SNX29: variants seen among roughly 807,000 people sequenced by gnomAD.
SNX29 encodes the protein sorting nexin-29.
In SNX29, 78 loss-of-function variants were observed where a neutral mutation model predicts 102.1. That is an observed-to-expected ratio of 0.76 (90% CI 0.64 to 0.92). SNX29 has a LOEUF of 0.92. Ranked by LOEUF, SNX29 falls within the 40% of genes least tolerant of loss-of-function variation. The pLI is 0.00. For missense variants in SNX29, 1,280 were observed against 1,061.7 expected (o/e 1.21, Z -2.86); for synonymous variants, 580 against 414.5 (o/e 1.40, Z -4.85).
At chr16:12,200,839 A>T (rs922575075) in intron 14 of SNX29, among the ~76,000 whole-genome samples, 2 of 152,038 alleles carry the variant, frequency 1.3e-5, no homozygotes, top group African/African-American at 4.8e-5. Context: ...ACCCACGACC[A>T]CCTGACCCCT....
intron 15 of SNX29, among the ~76,000 whole-genome samples, chr16:12,290,694 G>A (rs1462251933): frequency 2.0e-5 from 3 of 152,326 alleles, no homozygotes; most frequent in Non-Finnish European, 4.4e-5. Flanking sequence ...TAGGACAGAT[G>A]CATTTCCTAG....
chr16:12,271,657 C>G (rs1020339354), intron 14 of SNX29, among the ~76,000 whole-genome samples: 1 of 151,260 alleles, frequency 6.6e-6, no homozygotes, highest in Non-Finnish European at 1.5e-5. Context: ...GAGTCCCACT[C>G]TGTTGCTCAG....
At chr16:12,090,509 A>G (rs1180694997) in intron 11 of SNX29, among the ~76,000 whole-genome samples, 2 of 152,084 alleles carry the variant, frequency 1.3e-5, no homozygotes, top group Admixed American at 1.3e-4. Context: ...CTTGGGACCA[A>G]TTTTTAAGCC....
intron 15 of SNX29, among the ~76,000 whole-genome samples, chr16:12,330,686 C>T (rs895118544): frequency 1.3e-5 from 2 of 152,190 alleles, no homozygotes; most frequent in Non-Finnish European, 2.9e-5. Flanking sequence ...TTAACCAGCA[C>T]GCGAGTCCTG....
intron 19 of SNX29, among the ~76,000 whole-genome samples, chr16:12,480,805 T>A (rs1164619327): frequency 6.6e-6 from 1 of 152,168 alleles, no homozygotes; most frequent in Non-Finnish European, 1.5e-5. Flanking sequence ...TGGTGTTGCA[T>A]CCTGTAGAAA....
chr16:12,151,752 T>C (rs1193794380), intron 13 of SNX29, among the ~76,000 whole-genome samples: 2 of 152,194 alleles, frequency 1.3e-5, no homozygotes, highest in African/African-American at 4.8e-5. Flanking sequence ...GTTTTGTTTT[T>C]TGAGACAGAG....
intron 3 of SNX29, among the ~76,000 whole-genome samples, chr16:12,018,810 A>T (rs1290198884): frequency 1.3e-4 from 20 of 149,454 alleles, no homozygotes; most frequent in Non-Finnish European, 2.8e-4. Flanking sequence ...CAGGTCTCGA[A>T]CTCCTGGGCT....
intron 19 of SNX29, among the ~76,000 whole-genome samples, chr16:12,493,139 T>G (rs1303891419): frequency 6.6e-6 from 1 of 152,230 alleles, no homozygotes; most frequent in Non-Finnish European, 1.5e-5. Context: ...GCCGTTTTCA[T>G]GATACTGATT....
chr16:12,250,172 C>A (rs1254680240), intron 14 of SNX29, among the ~76,000 whole-genome samples: 2 of 152,160 alleles, frequency 1.3e-5, no homozygotes, highest in African/African-American at 2.4e-5. Flanking sequence ...GGGTTCCAGG[C>A]AGGTGGAGGA....
intron 20 of SNX29, among the ~76,000 whole-genome samples, chr16:12,546,060 A>G (rs1209733655): frequency 6.6e-6 from 1 of 152,234 alleles, no homozygotes; most frequent in Non-Finnish European, 1.5e-5. Flanking sequence ...GGAGTGAAGC[A>G]GTCCTGGGTT....
intron 1 of SNX29, among the ~76,000 whole-genome samples, chr16:11,983,047 C>T (rs1179694571): frequency 6.6e-6 from 1 of 152,002 alleles, no homozygotes; most frequent in Non-Finnish European, 1.5e-5. Flanking sequence ...TCTCTTGCCT[C>T]AGCCTCCTGA....
intron 13 of SNX29, among the ~76,000 whole-genome samples, chr16:12,148,943 C>A (rs572031928): frequency 6.6e-6 from 1 of 152,032 alleles, no homozygotes; most frequent in Non-Finnish European, 1.5e-5. Context: ...CTCAGGTGAT[C>A]CACCTGCCTC....
chr16:12,497,549 C>T (rs887699877), intron 19 of SNX29, among the ~76,000 whole-genome samples: 2 of 152,176 alleles, frequency 1.3e-5, no homozygotes, highest in Admixed American at 6.5e-5. Context: ...GGAATGACTT[C>T]AGGAGTGGCT....
chr16:12,540,931 C>T (rs752520567), intron 20 of SNX29, among the ~76,000 whole-genome samples: 2 of 152,284 alleles, frequency 1.3e-5, no homozygotes, highest in Non-Finnish European at 2.9e-5. Context: ...CACCCCCTGC[C>T]CACTTTTGGG....
intron 20 of SNX29, among the ~76,000 whole-genome samples, chr16:12,560,138 C>A (rs1470441349): frequency 1.8e-5 from 1 of 55,432 alleles, no homozygotes; most frequent in East Asian, 2.7e-4. Context: ...GTTCCCCTCC[C>A]CCCCCCAACA....
chr16:12,227,399 T>C (rs879844399), intron 14 of SNX29, among the ~76,000 whole-genome samples: 1 of 152,228 alleles, frequency 6.6e-6, no homozygotes, highest in Admixed American at 6.5e-5. Flanking sequence ...ACTTGTGATG[T>C]TGCTCATGTT....
At chr16:12,200,164 G>A (rs1273558934) in intron 14 of SNX29, among the ~76,000 whole-genome samples, 1 of 152,136 alleles carries the variant, frequency 6.6e-6, no homozygotes, top group East Asian at 1.9e-4. Flanking sequence ...CCTACCTCAT[G>A]AGGCAATCCA....
chr16:12,526,083 G>A (rs114822032), intron 20 of SNX29, among the ~76,000 whole-genome samples: 461 of 152,312 alleles, frequency 3.0e-3, no homozygotes, highest in African/African-American at 0.01. Flanking sequence ...AACACAAAAC[G>A]TAAAAATCCA....
At chr16:12,403,240 G>A (rs1304102897) in intron 17 of SNX29, among the ~76,000 whole-genome samples, 1 of 145,268 alleles carries the variant, frequency 6.9e-6, no homozygotes, top group Non-Finnish European at 1.5e-5. Flanking sequence ...GTGTGTGTGT[G>A]TGTGTGTGTG....
Sources: gnomAD v4.1 joint callset for allele counts (sites outside exome capture counted in the v4.1 genomes callset) on GRCh38, gnomAD v4.1.1 for gene constraint, MANE v1.5 for transcripts, NCBI Gene and HGNC (gene_info 2026-07-23, HGNC 2026-07-21) for gene names.